Variants in ARAP1 observed in about 807,000 individuals in gnomAD.
ARAP1 encodes arf-GAP with Rho-GAP domain, ANK repeat and PH domain-containing protein 1.
In ARAP1, 76 loss-of-function variants were observed where a neutral mutation model predicts 172.2. The ratio of observed to expected loss-of-function variants is 0.44; its 90% CI spans 0.37 to 0.53. The LOEUF (loss-of-function observed/expected upper bound fraction) is 0.53. Among genes scored for constraint, ARAP1 ranks in the 20% least tolerant of loss-of-function variants. The pLI is 0.00. For missense variants in ARAP1, 1,686 were observed against 1,977.5 expected (o/e 0.85, Z 2.80); for synonymous variants, 804 against 803.3 (o/e 1.00, Z -0.01).
intron 3 of ARAP1, among the ~76,000 whole-genome samples, chr11:72,716,357 A>C (rs1034947782): frequency 6.6e-6 from 1 of 151,882 alleles, no homozygotes; most frequent in Admixed American, 6.6e-5. Context: ...ATAAAAGTTA[A>C]CCAAACCCTT....
chr11:72,752,301 CG>C (rs898899313), intron 1 of ARAP1, 26 bp downstream of exon 1: 5 of 152,290 alleles, frequency 3.3e-5, no homozygotes, highest in African/African-American at 1.2e-4. Flanking sequence ...GGCCTGCAGA[CG>C]GGGAGGCTCC....
At position 72,695,788 on chromosome 11, in the gene ARAP1, G is replaced by A. The variant is rs1190624586; in HGVS notation, c.3350C>T (p.Thr1117Ile). 1 of 1,614,202 alleles carries A rather than the reference G, an allele frequency of 6.2e-7. No individual in the cohort carries two copies. Among genetic ancestry groups the A allele is most frequent in the Admixed American group, 1.7e-5 (1 of 60,018 alleles). Residue 1117 changes from threonine to isoleucine, a missense_variant, in exon 24 of 35, where the codon ACA (threonine) becomes ATA (isoleucine). Thr to Ile is a moderately conservative substitution (Grantham distance 89, BLOSUM62 -1). This residue lies in a region of ARAP1 where 379 missense variants were observed against 500.1 expected (regional missense o/e 0.76). Coordinates refer to ENST00000393609, the MANE Select transcript of ARAP1 (RefSeq NM_001040118.3). This position sits in a 1 kb window ranked among gnomAD's most constrained non-coding sequence, Gnocchi z 4.4. ...AIVFGPTLFQTDGQDYKAGRV... is the reference protein window; with the variant it reads ...AIVFGPTLFQIDGQDYKAGRV... ...GCCAGCCTTGTAGTCCTGCCCATCT[G>A]TCTGGAAGAGCGTGGGCCCAAACAC...
intron 30 of ARAP1, among the ~76,000 whole-genome samples, chr11:72,691,899 C>T (rs7929689): frequency 0.89 from 135,907 of 152,222 alleles, 61,095 homozygotes; most frequent in African/African-American, 0.94. Flanking sequence ...GTTCAGACAT[C>T]AGATTCTCAT....
intron 2 of ARAP1, among the ~76,000 whole-genome samples, chr11:72,728,053 T>C (rs1438571159): frequency 6.6e-6 from 1 of 152,232 alleles, no homozygotes; most frequent in Non-Finnish European, 1.5e-5. Context: ...AAAACAGAAA[T>C]AAATTGATAC....
At chr11:72,697,262 T>G in intron 21 of ARAP1, 61 bp downstream of exon 21, 1 of 1,587,640 alleles carries the variant, frequency 6.3e-7, no homozygotes, top group South Asian at 1.1e-5. Flanking sequence ...GCCGCGCAGC[T>G]CTGGGGCGGG....
chr11:72,719,884 G>A (rs915805874), intron 3 of ARAP1, among the ~76,000 whole-genome samples: 2 of 152,022 alleles, frequency 1.3e-5, no homozygotes, highest in African/African-American at 4.8e-5. Context: ...TCCCCTGCCT[G>A]GCCAACTCCT....
chr11:72,712,947 C>T (rs1857097509), intron 5 of ARAP1: 2 of 605,902 alleles, frequency 3.3e-6, no homozygotes, highest in East Asian at 2.8e-5. Context: ...TGCCCACCCA[C>T]ATACAGCCAG....
At position 72,699,246 on chromosome 11, in the gene ARAP1, G is replaced by A; in HGVS notation, c.2439-139C>T. The A allele has an allele frequency of 1.4e-6, 2 of 1,382,158 alleles. No homozygotes were observed. The highest frequency in any genetic ancestry group is 2.0e-6 in the Non-Finnish European group (2 of 1,005,548). The allele number at this position is 1,382,158 out of a possible 1,614,324, so 85.6% of individuals were successfully genotyped here. On this transcript the variant is annotated intron_variant, in intron 17 of 34. Coordinates refer to ENST00000393609, the MANE Select transcript of ARAP1 (RefSeq NM_001040118.3). The surrounding 1 kb of genome is among the most constrained non-coding windows in gnomAD (Gnocchi z 4.2). ...TTATTCTGGTCCCCTAAGAGGTGGT[G>A]GAAAAGTCTTGGGCTGGGGCCTCAA...
At chr11:72,713,739 C>T (rs1380226165) in intron 4 of ARAP1, among the ~76,000 whole-genome samples, 1 of 150,740 alleles carries the variant, frequency 6.6e-6, no homozygotes, top group Admixed American at 6.6e-5. Flanking sequence ...CCCAGCTACT[C>T]GGGAGGCTGA....
intron 12 of ARAP1, 40 bp from the exon 13 acceptor site, chr11:72,705,930 C>G (rs773349358): frequency 6.2e-7 from 1 of 1,605,838 alleles, no homozygotes; most frequent in Admixed American, 1.7e-5. Context: ...CCTGGGCCCC[C>G]CCTTCACGGG....
chr11:72,704,340 G>A lies in ARAP1; in HGVS notation c.1810-6C>T. On this transcript the variant is annotated splice_polypyrimidine_tract_variant and splice_region_variant and intron_variant, in intron 13 of 34. Transcript: ENST00000393609. Reference sequence around the variant, plus strand: ...TTCCCCAGCTGTAAGAAGAGCTGTGGGGGTGTGCAGGAGGTCAGACGGGCC... The same window carrying A: ...TTCCCCAGCTGTAAGAAGAGCTGTGAGGGTGTGCAGGAGGTCAGACGGGCC... 6.4e-7 allele frequency: 1 copy of A among 1,564,568 alleles called. No homozygotes were observed. Among genetic ancestry groups the A allele is most frequent in the Non-Finnish European group, 8.7e-7 (1 of 1,156,034 alleles).
intron 21 of ARAP1, 51 bp from the exon 22 acceptor site, chr11:72,697,246 G>T: frequency 6.3e-7 from 1 of 1,590,874 alleles, no homozygotes; most frequent in Non-Finnish European, 8.6e-7. Flanking sequence ...AGAGTCATGG[G>T]GCGGGGCCGC....
chr11:72,722,056 T>A, intron 3 of ARAP1: 1 of 985,604 alleles, frequency 1.0e-6, no homozygotes, highest in Non-Finnish European at 1.2e-6. Flanking sequence ...GCTTTGCACC[T>A]GTGATTTATG....
chr11:72,697,823 G>A (rs1309380690), intron 19 of ARAP1, 88 bp downstream of exon 19: 6 of 1,489,062 alleles, frequency 4.0e-6, no homozygotes, highest in Non-Finnish European at 4.5e-6. Context: ...AGGCCAGGCA[G>A]AGTTCAGATT....
chr11:72,702,336 G>A (rs1169704243), intron 15 of ARAP1, among the ~76,000 whole-genome samples: 1 of 151,504 alleles, frequency 6.6e-6, no homozygotes, highest in Non-Finnish European at 1.5e-5. Context: ...CCCAGCCATT[G>A]AGCTCCACCC....
intron 1 of ARAP1, among the ~76,000 whole-genome samples, chr11:72,745,186 T>TC (rs1458799635): frequency 2.2e-5 from 3 of 134,284 alleles, no homozygotes; most frequent in African/African-American, 8.6e-5. Flanking sequence ...TTCTTTCTTT[T>TC]TTTTTTTTTT....
intron 2 of ARAP1, among the ~76,000 whole-genome samples, chr11:72,728,498 T>C (rs541323727): frequency 6.6e-6 from 1 of 152,202 alleles, no homozygotes; most frequent in African/African-American, 2.4e-5. Context: ...GGAGAATTGC[T>C]TGAACCCAGG....
rs745482620 is a variant in ARAP1 at position 72,695,471 on chromosome 11, G to A, written c.3508-16C>T. The A allele has an allele frequency of 2.5e-6, 4 of 1,614,234 alleles. No individual in the cohort carries two copies. Among genetic ancestry groups the A allele is most frequent in the South Asian group, 1.1e-5 (1 of 91,092 alleles). On this transcript the variant is annotated splice_polypyrimidine_tract_variant and intron_variant, in intron 25 of 34. Transcript: ENST00000393609. The surrounding 1 kb of genome is among the most constrained non-coding windows in gnomAD (Gnocchi z 4.4). ...CACCGGCATGCTGCAGGGAGACAGG[G>A]CTCAGCTGGGGGCCTAGGAAATGGG...
rs1347046185 is a variant in ARAP1, at chr11:72,693,146, G to C, written c.3954+179C>G. The stretch of plus-strand genomic sequence containing the variant: ...CTTAGTGGGGCTACAGGGCACACTA[G>C]AGTGGCCGTCCAGGGCCACAGCAGG... On this transcript the variant is annotated intron_variant, in intron 29 of 34. Transcript: ENST00000393609. The surrounding 1 kb of genome is among the most constrained non-coding windows in gnomAD (Gnocchi z 4.6). The C allele has an allele frequency of 3.1e-6, 3 of 966,586 alleles. No homozygotes were observed. Among genetic ancestry groups the C allele is most frequent in the Admixed American group, 2.8e-5 (1 of 36,178 alleles). 59.9% of individuals were successfully genotyped at this position (966,586 alleles called of 1,614,324 possible).
Sources: gnomAD v4.1 joint callset for allele counts (sites outside exome capture counted in the v4.1 genomes callset) on GRCh38, gnomAD v4.1.1 for gene constraint, gnomAD v4.1.1 regional missense constraint, Gnocchi (gnomAD v3.1) non-coding constraint, MANE v1.5 for transcripts, NCBI Gene and HGNC (gene_info 2026-07-23, HGNC 2026-07-21) for gene names.